The following EEIG1 variants were observed in gnomAD, a reference collection of about 807,000 sequenced individuals.
EEIG1 encodes the protein estrogen-induced osteoclastogenesis regulator 1.
chr9:127,971,648 G>A, the EEIG1 span, among the ~76,000 whole-genome samples: 1 of 152,164 alleles, frequency 6.6e-6, no homozygotes, highest in African/African-American at 2.4e-5. Context: ...CACCAGGACA[G>A]TGCCAACCCA....
chr9:127,975,694 G>A, the EEIG1 span, among the ~76,000 whole-genome samples: 592 of 152,188 alleles, frequency 3.9e-3, 7 homozygotes, highest in African/African-American at 0.014. Flanking sequence ...CTTGCTATGA[G>A]GTAAGTCAGT....
the EEIG1 span, among the ~76,000 whole-genome samples, chr9:127,961,601 G>A: frequency 2.0e-5 from 3 of 152,232 alleles, no homozygotes; most frequent in Non-Finnish European, 2.9e-5. Flanking sequence ...GTGGGTGGAA[G>A]ACAGACAAAA....
the EEIG1 span, among the ~76,000 whole-genome samples, chr9:127,949,443 G>A: frequency 6.6e-6 from 1 of 152,220 alleles, no homozygotes. Context: ...GAGAGGGGAA[G>A]TGACTCCCAA....
chr9:127,943,807 A>AC, the EEIG1 span: 1 of 156,726 alleles, frequency 6.4e-6, no homozygotes, highest in Non-Finnish European at 1.4e-5. Context: ...CCGCCCCCTC[A>AC]CCCCCACCCG....
the EEIG1 span, among the ~76,000 whole-genome samples, chr9:127,971,547 C>CGG: frequency 1.8e-4 from 1 of 5,582 alleles, no homozygotes; most frequent in South Asian, 7.4e-3. Flanking sequence ...GAATGCGGGG[C>CGG]GGGGGGGCGG....
chr9:127,945,376 C>T, the EEIG1 span: 3 of 1,584,602 alleles, frequency 1.9e-6, no homozygotes, highest in African/African-American at 1.3e-5. The surrounding 1 kb of genome is among the most constrained non-coding windows in gnomAD (Gnocchi z 6.5). Context: ...CCTGAAAGAG[C>T]GATCGGACAG....
chr9:127,953,401 G>T, the EEIG1 span: 1 of 632,404 alleles, frequency 1.6e-6, no homozygotes, highest in Non-Finnish European at 2.8e-6. Context: ...ACCATATGCT[G>T]CCTTTATATT....
At chr9:127,945,282 C>A in the EEIG1 span, 1 of 1,135,412 alleles carries the variant, frequency 8.8e-7, no homozygotes, top group South Asian at 1.6e-5. The surrounding 1 kb of genome is among the most constrained non-coding windows in gnomAD (Gnocchi z 6.5). Flanking sequence ...CCTTACGGTC[C>A]CTGTGTTATA....
the EEIG1 span, among the ~76,000 whole-genome samples, chr9:127,949,678 C>T: frequency 1.3e-5 from 2 of 152,258 alleles, no homozygotes; most frequent in Admixed American, 1.3e-4. Context: ...CTGCTCACCA[C>T]CTCCTGCCCA....
chr9:127,951,486 T>C, the EEIG1 span, among the ~76,000 whole-genome samples: 13 of 152,182 alleles, frequency 8.5e-5, no homozygotes, highest in African/African-American at 2.9e-4. Flanking sequence ...AGCCCCGCCA[T>C]GGACTCAGAG....
At chr9:127,972,069 G>C in the EEIG1 span, among the ~76,000 whole-genome samples, 2 of 152,018 alleles carry the variant, frequency 1.3e-5, no homozygotes, top group Admixed American at 1.3e-4. This position sits in a 1 kb window ranked among gnomAD's most constrained non-coding sequence, Gnocchi z 4.3. Flanking sequence ...TGCCTCCGTG[G>C]AGGCTGTCTT....
At chr9:127,973,510 C>T in the EEIG1 span, among the ~76,000 whole-genome samples, 1 of 152,208 alleles carries the variant, frequency 6.6e-6, no homozygotes, top group African/African-American at 2.4e-5. This position sits in a 1 kb window ranked among gnomAD's most constrained non-coding sequence, Gnocchi z 4.2. Context: ...AGGGCTGCTG[C>T]CAGGCTGGCA....
the EEIG1 span, among the ~76,000 whole-genome samples, chr9:127,957,152 C>T: frequency 6.6e-6 from 1 of 152,060 alleles, no homozygotes; most frequent in African/African-American, 2.4e-5. Flanking sequence ...TCTCTTCAAC[C>T]CAGGAGGCAG....
chr9:127,954,825 G>A, the EEIG1 span, among the ~76,000 whole-genome samples: 152 of 152,312 alleles, frequency 1.0e-3, no homozygotes, highest in African/African-American at 3.3e-3. Flanking sequence ...CTAGCCCCCC[G>A]GTTCCTCCTG....
the EEIG1 span, among the ~76,000 whole-genome samples, chr9:127,978,425 G>C: frequency 1.3e-5 from 2 of 152,188 alleles, no homozygotes; most frequent in African/African-American, 4.8e-5. Context: ...CTGGCTAACA[G>C]GGCCCACAAG....
the EEIG1 span, among the ~76,000 whole-genome samples, chr9:127,954,400 G>A: frequency 6.6e-6 from 1 of 152,236 alleles, no homozygotes; most frequent in Non-Finnish European, 1.5e-5. Context: ...ACACCTCCCA[G>A]CCAGTAGATA....
the EEIG1 span, among the ~76,000 whole-genome samples, chr9:127,955,221 GGCC>G: frequency 6.6e-6 from 1 of 152,218 alleles, no homozygotes. Flanking sequence ...GGTCGGAGAG[GGCC>G]GCAGCCAAGC....
chr9:127,961,801 C>T, the EEIG1 span, among the ~76,000 whole-genome samples: 31 of 148,696 alleles, frequency 2.1e-4, no homozygotes, highest in African/African-American at 7.2e-4. Flanking sequence ...AATCCGGGCA[C>T]GAGGAACAGC....
At chr9:127,944,492 G>A in the EEIG1 span, 5 of 708,032 alleles carry the variant, frequency 7.1e-6, no homozygotes, top group African/African-American at 8.7e-5. Context: ...AGACATGACA[G>A]GCCCAGGGTC....
Sources: allele counts gnomAD v4.1 joint callset (sites outside exome capture counted in the v4.1 genomes callset), GRCh38; gene constraint gnomAD v4.1.1; non-coding constraint Gnocchi (gnomAD v3.1); transcripts MANE v1.5; gene names NCBI Gene and HGNC (gene_info 2026-07-23, HGNC 2026-07-21).